The following CACNA1D variants were observed in gnomAD, a reference collection of about 807,000 sequenced individuals.
The protein encoded by CACNA1D is voltage-dependent L-type calcium channel subunit alpha-1D.
CACNA1D carries 55 observed loss-of-function variants against 257.1 expected under a neutral mutation model. The observed-to-expected ratio is 0.21, with a 90% CI of 0.17 to 0.27. The LOEUF is 0.27. CACNA1D is among the 10% of genes least tolerant of loss of function. CACNA1D has a pLI of 1.00. For synonymous variants in CACNA1D, 980 were observed against 1,014.9 expected (o/e 0.97, Z 0.65); for missense variants, 1,876 against 2,784.0 (o/e 0.67, Z 7.34).
chr3:53,534,039 A>G (rs528741423), intron 3 of CACNA1D, among the ~76,000 whole-genome samples: 53 of 152,156 alleles, frequency 3.5e-4, no homozygotes, highest in African/African-American at 1.3e-3. Flanking sequence ...CCACTGAGTT[A>G]CCCCGGGGTT....
At chr3:53,688,852 A>T (rs1278061112) in intron 8 of CACNA1D, among the ~76,000 whole-genome samples, 1 of 151,986 alleles carries the variant, frequency 6.6e-6, no homozygotes, top group Admixed American at 6.5e-5. Context: ...AGTCTTGGAG[A>T]CCCTTGCTGT....
chr3:53,733,466 T>C (rs2095020223), intron 19 of CACNA1D, among the ~76,000 whole-genome samples: 1 of 152,220 alleles, frequency 6.6e-6, no homozygotes, highest in South Asian at 2.1e-4. Flanking sequence ...TTGAGTTTTA[T>C]CTTTGTAAAG....
intron 25 of CACNA1D, among the ~76,000 whole-genome samples, chr3:53,746,357 C>T (rs1310858565): frequency 1.3e-5 from 2 of 152,174 alleles, no homozygotes; most frequent in Non-Finnish European, 2.9e-5. Flanking sequence ...CTCCTGGCTC[C>T]TATTACCTAC....
At chr3:53,571,509 T>C (rs1362353122) in intron 3 of CACNA1D, among the ~76,000 whole-genome samples, 1 of 152,018 alleles carries the variant, frequency 6.6e-6, no homozygotes, top group African/African-American at 2.4e-5. Flanking sequence ...GTTATACGAA[T>C]GGGGTGTGTT....
rs3774461 is a variant in CACNA1D, at chr3:53,588,345, G to C, written c.484-62434G>C. Among the ~76,000 whole-genome samples, 81 of 152,290 alleles carry C rather than the reference G, an allele frequency of 5.3e-4. 1 individual carries two copies. The East Asian group carries it at 0.014, about 26-fold the overall frequency. On this transcript the variant is annotated intron_variant, in intron 3 of 47. Coordinates refer to ENST00000350061, the MANE Select transcript of CACNA1D (RefSeq NM_001128840.3). ...ATGCCTTCTTTCTTGCTTGCCCCTG[G>C]AACATGCACAGGACTCAGACCCAGC...
At chr3:53,666,625 A>G (rs1296108200) in intron 7 of CACNA1D, 90 bp downstream of exon 7, 4 of 1,054,940 alleles carry the variant, frequency 3.8e-6, no homozygotes, top group African/African-American at 3.1e-5. Flanking sequence ...GTGGCTGGAA[A>G]AGAAACCCTG....
At chr3:53,520,895 T>TTTCTTTCTTTCTTTCTTTCTTTC (rs1553713023) in intron 3 of CACNA1D, among the ~76,000 whole-genome samples, 2 of 86,804 alleles carry the variant, frequency 2.3e-5, no homozygotes, top group Non-Finnish European at 5.0e-5. Context: ...TCTTTCTTTC[T>TTTCTTTCTTTCTTTCTTTCTTTC]TTTCTTTTCT....
chr3:53,709,900 A>G (rs1041554945), intron 9 of CACNA1D, among the ~76,000 whole-genome samples: 1 of 152,220 alleles, frequency 6.6e-6, no homozygotes, highest in Non-Finnish European at 1.5e-5. Context: ...GGAGGAAACT[A>G]AGGCTTCACA....
chr3:53,681,436 CCT>C (rs748377454), intron 8 of CACNA1D, among the ~76,000 whole-genome samples: 30 of 152,034 alleles, frequency 2.0e-4, no homozygotes, highest in Non-Finnish European at 4.0e-4. Flanking sequence ...CTTTTTTCTC[CCT>C]CTCTCTTAAC....
intron 9 of CACNA1D, among the ~76,000 whole-genome samples, chr3:53,712,094 TA>T (rs2094763625): frequency 6.6e-6 from 1 of 152,190 alleles, no homozygotes; most frequent in South Asian, 2.1e-4. Flanking sequence ...CAAAAGGAGA[TA>T]AATGATTTCT....
chr3:53,680,364 A>G (rs1333955888), intron 8 of CACNA1D, among the ~76,000 whole-genome samples: 1 of 151,110 alleles, frequency 6.6e-6, no homozygotes. Context: ...TTTTTTAATA[A>G]TGTACAGAAA....
At chr3:53,550,411 C>T (rs1575833083) in intron 3 of CACNA1D, among the ~76,000 whole-genome samples, 1 of 152,314 alleles carries the variant, frequency 6.6e-6, no homozygotes, top group East Asian at 1.9e-4. Context: ...CAGCTTCTAG[C>T]ACCCCTGGAG....
intron 3 of CACNA1D, among the ~76,000 whole-genome samples, chr3:53,567,948 A>G (rs772961776): frequency 2.0e-5 from 3 of 152,198 alleles, no homozygotes; most frequent in Non-Finnish European, 4.4e-5. Context: ...TGAAAGAAGC[A>G]TGGTGCGGGC....
chr3:53,697,843 T>A (rs549906121), intron 8 of CACNA1D, among the ~76,000 whole-genome samples: 1 of 152,284 alleles, frequency 6.6e-6, no homozygotes, highest in Non-Finnish European at 1.5e-5. Context: ...CCATAATGTG[T>A]TTTGGTTTGT....
At chr3:53,505,523 A>T (rs1198342272) in intron 3 of CACNA1D, among the ~76,000 whole-genome samples, 1 of 152,166 alleles carries the variant, frequency 6.6e-6, no homozygotes, top group Admixed American at 6.5e-5. Context: ...ATGTTCAGTA[A>T]ATAAGTATTG....
chr3:53,593,018 G>T (rs542053246), intron 3 of CACNA1D, among the ~76,000 whole-genome samples: 75 of 152,190 alleles, frequency 4.9e-4, no homozygotes, highest in Admixed American at 1.4e-3. Flanking sequence ...TCTTGCTTTT[G>T]CTCAGCCTGT....
intron 8 of CACNA1D, among the ~76,000 whole-genome samples, chr3:53,695,231 C>T (rs991698522): frequency 2.6e-5 from 4 of 152,130 alleles, no homozygotes; most frequent in South Asian, 2.1e-4. Context: ...GTCTTTAGAA[C>T]GTGCTGTGAT....
In CACNA1D at chr3:53,735,529, C is replaced by T. The variant is rs539167819; in HGVS notation, c.2751+26C>T. 2.5e-6 allele frequency: 4 copies of T among 1,613,024 alleles called. No individual in the cohort carries two copies. In the African/African-American group the frequency reaches 5.3e-5, roughly 21 times the overall value. ...GTAAGTCCCCAGGGTGGGGCTCGCT[C>T]TGGGATAGCCCTGGCCTCTCTCGGG... On this transcript the variant is annotated intron_variant, in intron 20 of 47. Transcript: ENST00000350061.
intron 40 of CACNA1D, among the ~76,000 whole-genome samples, chr3:53,790,447 C>T (rs1181969617): frequency 6.6e-6 from 1 of 152,220 alleles, no homozygotes; most frequent in African/African-American, 2.4e-5. Context: ...ACATGCACTC[C>T]GGTGGAATCC....
Sources: allele counts gnomAD v4.1 joint callset (sites outside exome capture counted in the v4.1 genomes callset), GRCh38; gene constraint gnomAD v4.1.1; transcripts MANE v1.5; gene names NCBI Gene and HGNC (gene_info 2026-07-23, HGNC 2026-07-21).